Variants in MTMR8 observed in about 807,000 individuals in gnomAD.
MTMR8 encodes phosphatidylinositol-3,5-bisphosphate 3-phosphatase MTMR8.
MTMR8 carries 65 observed loss-of-function variants against 39.3 expected under a neutral mutation model. The observed-to-expected ratio is 1.65, with a 90% CI of 1.35 to 2.03. MTMR8 has a LOEUF of 2.03. Ranked by LOEUF, MTMR8 falls within the 30% of genes most tolerant of loss-of-function variation. The pLI is 0.00. For missense variants in MTMR8, 777 were observed against 538.9 expected, an observed-to-expected ratio of 1.44 and a Z score of -4.37; for synonymous variants, 245 against 185.2, an observed-to-expected ratio of 1.32 and a Z score of -2.62.
At chrX:64,360,748 G>A (rs780797407) in intron 1 of MTMR8, among the ~76,000 whole-genome samples, 17 of 111,601 alleles carry the variant, frequency 1.5e-4, no homozygotes, top group Admixed American at 1.1e-3. Context: ...AAAAGTGAAC[G>A]ATAATAAAAA....
At chrX:64,373,703 CT>C (rs1391498790) in intron 1 of MTMR8, among the ~76,000 whole-genome samples, 2 of 111,173 alleles carry the variant, frequency 1.8e-5, no homozygotes, top group African/African-American at 6.6e-5. Flanking sequence ...ATGGCCCACC[CT>C]CTAAAAGAGG....
At chrX:64,308,237 T>A (rs1426428067) in intron 12 of MTMR8, among the ~76,000 whole-genome samples, 6 of 110,754 alleles carry the variant, frequency 5.4e-5, no homozygotes, top group Admixed American at 9.6e-5. Context: ...TATTATTATT[T>A]TTTGAGACAG....
intron 12 of MTMR8, among the ~76,000 whole-genome samples, chrX:64,292,211 C>T (rs185049087): frequency 8.9e-6 from 1 of 112,038 alleles, no homozygotes; most frequent in African/African-American, 3.2e-5. Context: ...TTGCAAGCAG[C>T]TAGTAGTCCT....
At chrX:64,290,034 G>T (rs1346059134) in intron 12 of MTMR8, among the ~76,000 whole-genome samples, 1 of 110,876 alleles carries the variant, frequency 9.0e-6, no homozygotes, top group East Asian at 2.9e-4. Context: ...GAAATGATTT[G>T]TTTAATAGGT....
intron 8 of MTMR8, among the ~76,000 whole-genome samples, chrX:64,341,306 C>T (rs182766129): frequency 3.4e-4 from 37 of 110,425 alleles, no homozygotes; most frequent in African/African-American, 1.2e-3. Context: ...TGGCAAAACC[C>T]CGTCTCTGCT....
At chrX:64,284,923 G>A (rs955099825) in intron 12 of MTMR8, among the ~76,000 whole-genome samples, 1 of 111,901 alleles carries the variant, frequency 8.9e-6, no homozygotes, top group Non-Finnish European at 1.9e-5. Context: ...CAACTAATGA[G>A]CAAAATAACC....
At chrX:64,382,353 C>T (rs1487918537) in intron 1 of MTMR8, among the ~76,000 whole-genome samples, 3 of 111,265 alleles carry the variant, frequency 2.7e-5, no homozygotes, top group Admixed American at 9.6e-5. Context: ...GTATTTTATT[C>T]TCTTTGAAGC....
At chrX:64,275,523 C>A (rs1346298681) in intron 12 of MTMR8, among the ~76,000 whole-genome samples, 1 of 107,789 alleles carries the variant, frequency 9.3e-6, no homozygotes, top group Non-Finnish European at 1.9e-5. Flanking sequence ...TAGAGAGGCC[C>A]CCATCGCTAA....
At chrX:64,323,376 T>G (rs185912303) in intron 12 of MTMR8, among the ~76,000 whole-genome samples, 361 of 111,919 alleles carry the variant, frequency 3.2e-3, no homozygotes, top group Middle Eastern at 9.3e-3. Context: ...TACGAAAAAT[T>G]TTAATATGTA....
At position 64,272,159 on chromosome X, in the gene MTMR8, G is replaced by A. The variant is rs191935348; in HGVS notation, c.1482-1086C>T. On this transcript the variant is annotated intron_variant, in intron 12 of 13. Coordinates refer to ENST00000374852, the MANE Select transcript of MTMR8 (RefSeq NM_017677.4). The stretch of plus-strand genomic sequence containing the variant: ...TGGGGTGAGAGTGGATTCTTCTGAC[G>A]TGCAGAAAAAGGGTAACACAATCTG... 2.9e-3 allele frequency among the ~76,000 whole-genome samples: 320 copies of A among 111,588 alleles called. 2 individuals carry two copies. The highest frequency in any genetic ancestry group is 0.014 in the Middle Eastern group (3 of 217).
At chrX:64,361,984 C>T (rs187348538) in intron 1 of MTMR8, among the ~76,000 whole-genome samples, 203 of 110,377 alleles carry the variant, frequency 1.8e-3, no homozygotes, top group African/African-American at 6.3e-3. Context: ...GCAAGGATAC[C>T]AAATATAATA....
At chrX:64,384,516 AT>A (rs1328923566) in intron 1 of MTMR8, among the ~76,000 whole-genome samples, 1 of 111,873 alleles carries the variant, frequency 8.9e-6, no homozygotes, top group Non-Finnish European at 1.9e-5. Context: ...GTACCCAGGC[AT>A]TTTCATACAT....
chrX:64,299,371 G>T (rs1291073682), intron 12 of MTMR8, among the ~76,000 whole-genome samples: 1 of 103,802 alleles, frequency 9.6e-6, no homozygotes, highest in Non-Finnish European at 2.0e-5. Flanking sequence ...TTGCGTAGAG[G>T]TGTTTGTAGT....
chrX:64,331,700 T>C lies in MTMR8; in HGVS notation c.1209A>G (p.Leu403=), dbSNP rs376126687. 464 of 1,208,906 alleles carry C rather than the reference T, an allele frequency of 3.8e-4. 1 individual carries two copies. In the South Asian group the frequency reaches 7.6e-3, roughly 20 times the overall value. ...GTTCCATTAATTGCCAGATACAGTCTAGGAACTGGGTGAAGATAGGGGACA... is the reference window on the plus strand; with the variant it reads ...GTTCCATTAATTGCCAGATACAGTCCAGGAACTGGGTGAAGATAGGGGACA... ...KEVSPIFTQF[L]DCIWQLMEQF... The change falls in exon 11 of 14, where the codon CTA becomes CTG. Residue 403 remains leucine (L), a synonymous_variant. Coordinates refer to ENST00000374852, the MANE Select transcript of MTMR8 (RefSeq NM_017677.4).
intron 12 of MTMR8, among the ~76,000 whole-genome samples, chrX:64,302,103 G>A (rs1921904029): frequency 8.9e-6 from 1 of 112,926 alleles, no homozygotes; most frequent in Admixed American, 9.3e-5. Context: ...CCCAGTTCGA[G>A]CTTTCTGGCT....
chrX:64,308,225 T>A (rs1475447542), intron 12 of MTMR8, among the ~76,000 whole-genome samples: 31 of 110,917 alleles, frequency 2.8e-4, no homozygotes, highest in African/African-American at 5.9e-4. Context: ...TACTTTTTTT[T>A]TTATTATTAT....
At chrX:64,338,192 T>A (rs1455916412) in intron 8 of MTMR8, among the ~76,000 whole-genome samples, 1 of 112,285 alleles carries the variant, frequency 8.9e-6, no homozygotes, top group Non-Finnish European at 1.9e-5. Context: ...AGAAGGACAT[T>A]AATTCACCCA....
intron 1 of MTMR8, among the ~76,000 whole-genome samples, chrX:64,385,843 T>C (rs1014852024): frequency 1.8e-5 from 2 of 111,577 alleles, no homozygotes; most frequent in Non-Finnish European, 3.8e-5. Flanking sequence ...GGGACTACAA[T>C]TCAACTTGAG....
chrX:64,374,094 T>C (rs1284544587), intron 1 of MTMR8, among the ~76,000 whole-genome samples: 2 of 111,867 alleles, frequency 1.8e-5, no homozygotes, highest in African/African-American at 6.5e-5. Flanking sequence ...GAAATAAAAG[T>C]AGAATGTATG....
Sources: gnomAD v4.1 joint callset for allele counts (sites outside exome capture counted in the v4.1 genomes callset) on GRCh38, gnomAD v4.1.1 for gene constraint, MANE v1.5 for transcripts, NCBI Gene and HGNC (gene_info 2026-07-23, HGNC 2026-07-21) for gene names.